The following SLC4A10 variants were observed in gnomAD, a reference collection of about 807,000 sequenced individuals.
The protein encoded by SLC4A10 is solute carrier family 4 member 10.
In SLC4A10, 42 loss-of-function variants were observed where a neutral mutation model predicts 137.7. The ratio of observed to expected loss-of-function variants is 0.30; its 90% CI spans 0.24 to 0.39. The LOEUF (loss-of-function observed/expected upper bound fraction) is 0.39. Among genes scored for constraint, SLC4A10 ranks in the 10% least tolerant of loss-of-function variants. SLC4A10 has a pLI of 1.00. For missense variants in SLC4A10, 925 were observed against 1,355.0 expected (o/e 0.68, Z 4.98); for synonymous variants, 474 against 464.1 (o/e 1.02, Z -0.27).
intron 10 of SLC4A10, among the ~76,000 whole-genome samples, chr2:161,891,193 G>T (rs2062874735): frequency 6.6e-6 from 1 of 152,062 alleles, no homozygotes; most frequent in South Asian, 2.1e-4. Flanking sequence ...TCCCTTTGTA[G>T]GTAACCCGAC....
At chr2:161,895,836 G>T (rs2063431769) in intron 11 of SLC4A10, among the ~76,000 whole-genome samples, 1 of 152,092 alleles carries the variant, frequency 6.6e-6, no homozygotes, top group Non-Finnish European at 1.5e-5. Flanking sequence ...TGAGTAGGTT[G>T]TGAAAATTTT....
At chr2:161,818,451 T>C (rs1376711111) in intron 3 of SLC4A10, among the ~76,000 whole-genome samples, 1 of 152,218 alleles carries the variant, frequency 6.6e-6, no homozygotes, top group Non-Finnish European at 1.5e-5. Flanking sequence ...CTTCTTTTCC[T>C]AATTGAATGC....
At chr2:161,670,943 G>A (rs566402395) in intron 1 of SLC4A10, among the ~76,000 whole-genome samples, 15 of 152,168 alleles carry the variant, frequency 9.9e-5, no homozygotes, top group African/African-American at 3.6e-4. Flanking sequence ...TGCTCCTCCT[G>A]AGTGTTCTTT....
At chr2:161,644,551 T>A (rs1274132200) in intron 1 of SLC4A10, among the ~76,000 whole-genome samples, 1 of 152,210 alleles carries the variant, frequency 6.6e-6, no homozygotes, top group Non-Finnish European at 1.5e-5. Context: ...TTATAATTTA[T>A]TTTAAGAAAA....
chr2:161,929,275 C>A (rs543474488), intron 15 of SLC4A10, among the ~76,000 whole-genome samples: 1 of 152,286 alleles, frequency 6.6e-6, no homozygotes, highest in East Asian at 1.9e-4. Flanking sequence ...CACTACTGTG[C>A]AATGGTCACC....
chr2:161,737,520 A>AAG (rs3076979), intron 1 of SLC4A10, among the ~76,000 whole-genome samples: 33,641 of 151,532 alleles, frequency 0.22, 4,408 homozygotes, highest in African/African-American at 0.38. Context: ...GTCTTTCATA[A>AAG]AGTCTTTTAA....
chr2:161,921,111 G>C (rs62188849), intron 15 of SLC4A10, among the ~76,000 whole-genome samples: 10,221 of 152,262 alleles, frequency 0.067, 451 homozygotes, highest in East Asian at 0.13. Flanking sequence ...AAGTAACAGA[G>C]TGCCCTGGAG....
chr2:161,752,879 A>T (rs964928152), intron 1 of SLC4A10, among the ~76,000 whole-genome samples: 2 of 152,146 alleles, frequency 1.3e-5, no homozygotes, highest in Admixed American at 6.6e-5. Flanking sequence ...TCTATTGTGT[A>T]CTTGAAAATT....
chr2:161,928,575 A>C (rs1689679367), intron 15 of SLC4A10, among the ~76,000 whole-genome samples: 1 of 150,508 alleles, frequency 6.6e-6, no homozygotes, highest in Admixed American at 6.6e-5. Context: ...TGAAAATTAA[A>C]AAAAAAAACA....
intron 4 of SLC4A10, among the ~76,000 whole-genome samples, chr2:161,854,630 C>A (rs1194536587): frequency 6.6e-6 from 1 of 152,178 alleles, no homozygotes; most frequent in African/African-American, 2.4e-5. Flanking sequence ...TTACCATTAA[C>A]TTTCCATGAA....
intron 1 of SLC4A10, among the ~76,000 whole-genome samples, chr2:161,705,864 C>T (rs953287943): frequency 2.6e-5 from 4 of 151,474 alleles, no homozygotes; most frequent in African/African-American, 9.7e-5. Flanking sequence ...GTTTTGGCTA[C>T]TCTTCATTTC....
chr2:161,850,587 C>T (rs928558908), intron 4 of SLC4A10, among the ~76,000 whole-genome samples: 3 of 151,820 alleles, frequency 2.0e-5, no homozygotes, highest in African/African-American at 7.3e-5. Context: ...TTGTGTTTAT[C>T]TTTATCTTCT....
At chr2:161,922,165 G>T (rs1688260752) in intron 15 of SLC4A10, among the ~76,000 whole-genome samples, 1 of 152,112 alleles carries the variant, frequency 6.6e-6, no homozygotes, top group South Asian at 2.1e-4. Flanking sequence ...ATATTTAGAG[G>T]CTAAGGAGAG....
intron 1 of SLC4A10, among the ~76,000 whole-genome samples, chr2:161,631,815 G>A (rs751607096): frequency 6.6e-6 from 1 of 151,620 alleles, no homozygotes; most frequent in Non-Finnish European, 1.5e-5. Context: ...CTCAGAACTC[G>A]AGAGGTGCTC....
At chr2:161,814,307 G>T (rs565100988) in intron 3 of SLC4A10, among the ~76,000 whole-genome samples, 1 of 152,210 alleles carries the variant, frequency 6.6e-6, no homozygotes, top group African/African-American at 2.4e-5. Flanking sequence ...AGAGAAAAGG[G>T]TATGCTTACA....
Position 161,677,585 on chromosome 2 carries a change from G to T in SLC4A10, c.48+53019G>T, listed in dbSNP as rs553369866. Among the ~76,000 whole-genome samples, 5 of 152,266 alleles carry T rather than the reference G, an allele frequency of 3.3e-5. No homozygotes were observed. In the South Asian group the frequency reaches 8.3e-4, roughly 25 times the overall value. ...ATTATGGATTGGGAAGACACTCAGAGAGTTTTCCCAGAATTTCTGTAAATT... is the reference window on the plus strand; with the variant it reads ...ATTATGGATTGGGAAGACACTCAGATAGTTTTCCCAGAATTTCTGTAAATT... On this transcript the variant is annotated intron_variant, in intron 1 of 26. Transcript: ENST00000446997.
At chr2:161,729,354 A>G (rs981275915) in intron 1 of SLC4A10, among the ~76,000 whole-genome samples, 1 of 152,228 alleles carries the variant, frequency 6.6e-6, no homozygotes, top group Admixed American at 6.5e-5. Flanking sequence ...GTTTCCAGAT[A>G]CAAGGTTAAA....
chr2:161,750,237 T>C (rs1574750603), intron 1 of SLC4A10, among the ~76,000 whole-genome samples: 1 of 151,594 alleles, frequency 6.6e-6, no homozygotes, highest in South Asian at 2.1e-4. Flanking sequence ...TTTTGTTTTC[T>C]CTATTGATAT....
intron 3 of SLC4A10, among the ~76,000 whole-genome samples, chr2:161,820,021 A>G (rs1308030842): frequency 6.6e-6 from 1 of 152,220 alleles, no homozygotes; most frequent in Non-Finnish European, 1.5e-5. Context: ...GGATTATGCC[A>G]ATTACAATTA....
Sources: allele counts gnomAD v4.1 joint callset (sites outside exome capture counted in the v4.1 genomes callset), GRCh38; gene constraint gnomAD v4.1.1; transcripts MANE v1.5; gene names NCBI Gene and HGNC (gene_info 2026-07-23, HGNC 2026-07-21).